Variants in VSTM4 observed in about 807,000 individuals in gnomAD.
VSTM4 encodes the protein V-set and transmembrane domain-containing protein 4.
In VSTM4, 20 loss-of-function variants were observed where a neutral mutation model predicts 36.4. The observed-to-expected ratio is 0.55, with a 90% CI of 0.39 to 0.80. The LOEUF is 0.80. Among genes scored for constraint, VSTM4 ranks in the 30% least tolerant of loss-of-function variants. The pLI, the probability that VSTM4 is intolerant of heterozygous loss-of-function variation, is 0.00. For missense variants in VSTM4, 392 were observed against 404.5 expected (o/e 0.97, Z 0.26); for synonymous variants, 182 against 173.9 (o/e 1.05, Z -0.37).
chr10:49,096,115 G>A (rs372308486), intron 2 of VSTM4, among the ~76,000 whole-genome samples: 1 of 152,286 alleles, frequency 6.6e-6, no homozygotes, highest in African/African-American at 2.4e-5. Context: ...TTAAGCAGAA[G>A]CCCTAAATGT....
chr10:49,075,102 T>C (rs1425530030), intron 4 of VSTM4, among the ~76,000 whole-genome samples: 1 of 152,186 alleles, frequency 6.6e-6, no homozygotes, highest in Non-Finnish European at 1.5e-5. Flanking sequence ...CAGGTGCAAA[T>C]GGGACCATCT....
chr10:49,069,723 G>A (rs965997784), intron 4 of VSTM4, among the ~76,000 whole-genome samples: 2 of 152,180 alleles, frequency 1.3e-5, no homozygotes, highest in African/African-American at 4.8e-5. Flanking sequence ...CAAGTGGGAA[G>A]CTGAGGAGAA....
intron 5 of VSTM4, among the ~76,000 whole-genome samples, chr10:49,055,184 A>C (rs1182006259): frequency 6.6e-6 from 1 of 152,220 alleles, no homozygotes; most frequent in Non-Finnish European, 1.5e-5. Context: ...TGTTGGCTCC[A>C]GTCCTCCCAA....
rs563847575 is a variant in VSTM4 at position 49,096,724 on chromosome 10, G to A, written c.458-10701C>T. 2.0e-5 allele frequency among the ~76,000 whole-genome samples: 3 copies of A among 149,994 alleles called. No individual in the cohort carries two copies. In the East Asian group the frequency reaches 5.9e-4, roughly 30 times the overall value. ...GGCTGGAGTACAATGACACGATCTCGGCTCACTGCAACTTCTGCCTCCCAG... is the reference window on the plus strand; with the variant it reads ...GGCTGGAGTACAATGACACGATCTCAGCTCACTGCAACTTCTGCCTCCCAG... On this transcript the variant is annotated intron_variant, in intron 2 of 7. Coordinates refer to ENST00000332853, the MANE Select transcript of VSTM4 (RefSeq NM_001031746.5).
At chr10:49,100,141 A>G (rs1844642273) in intron 2 of VSTM4, among the ~76,000 whole-genome samples, 1 of 152,212 alleles carries the variant, frequency 6.6e-6, no homozygotes, top group Non-Finnish European at 1.5e-5. Context: ...TGAAAAAGCC[A>G]CGGTTGCCTC....
At chr10:49,064,783 G>A in intron 4 of VSTM4, 47 bp from the exon 5 acceptor site, 7 of 1,582,428 alleles carry the variant, frequency 4.4e-6, no homozygotes, top group Non-Finnish European at 6.0e-6. Context: ...TGCTACTTCA[G>A]ATATATATGC....
At chr10:49,034,831 T>A (rs1475387004) in intron 7 of VSTM4, among the ~76,000 whole-genome samples, 1 of 152,208 alleles carries the variant, frequency 6.6e-6, no homozygotes, top group Non-Finnish European at 1.5e-5. Context: ...AGGTACTCTG[T>A]GCTCAAAACT....
chr10:49,097,520 G>A (rs1468257414), intron 2 of VSTM4, among the ~76,000 whole-genome samples: 1 of 152,152 alleles, frequency 6.6e-6, no homozygotes, highest in Non-Finnish European at 1.5e-5. Context: ...GTGCGTAGAG[G>A]GGCAATCAGG....
rs898976472 is a variant in VSTM4 at position 49,016,887 on chromosome 10, T to A, written c.*2763A>T. 6.6e-6 allele frequency: 1 copy of A among 152,368 alleles called. No homozygotes were observed. Among genetic ancestry groups the A allele is most frequent in the African/African-American group, 2.4e-5 (1 of 41,454 alleles). 9.4% of individuals were successfully genotyped at this position (152,368 alleles called of 1,614,324 possible). The stretch of plus-strand genomic sequence containing the variant: ...ATACCTCCCGGCTTCCTGTGCTGAC[T>A]CCATGCCAACCATGCCAAGGCCAAA... On this transcript the variant is annotated 3_prime_UTR_variant, in exon 8 of 8. Coordinates refer to ENST00000332853, the MANE Select transcript of VSTM4 (RefSeq NM_001031746.5).
intron 2 of VSTM4, among the ~76,000 whole-genome samples, chr10:49,101,972 CGT>C (rs5784789): frequency 0.3 from 42,902 of 144,212 alleles, 7,254 homozygotes; most frequent in African/African-American, 0.5. Context: ...TGTGTGTCTG[CGT>C]GTGTGTGTGT....
intron 4 of VSTM4, among the ~76,000 whole-genome samples, chr10:49,068,101 G>A (rs1441508854): frequency 1.3e-5 from 2 of 151,946 alleles, no homozygotes; most frequent in African/African-American, 4.8e-5. Context: ...ATCCGAGTTT[G>A]GTTGAATCCT....
At chr10:49,090,558 C>G (rs550361280) in intron 2 of VSTM4, among the ~76,000 whole-genome samples, 1 of 152,310 alleles carries the variant, frequency 6.6e-6, no homozygotes, top group East Asian at 1.9e-4. Context: ...AGACTTCCAT[C>G]CCTTCCCAGG....
intron 1 of VSTM4, among the ~76,000 whole-genome samples, chr10:49,113,334 G>A (rs1332594267): frequency 6.6e-6 from 1 of 152,204 alleles, no homozygotes; most frequent in South Asian, 2.1e-4. Context: ...CCCATGGACT[G>A]ATTCACTCAC....
intron 4 of VSTM4, among the ~76,000 whole-genome samples, chr10:49,068,249 C>A (rs868647307): frequency 3.9e-5 from 6 of 151,950 alleles, no homozygotes; most frequent in Non-Finnish European, 7.4e-5. Flanking sequence ...TGTGCCACAG[C>A]TGAAGCCAAG....
chr10:49,108,132 C>A, intron 1 of VSTM4, 137 bp from the exon 2 acceptor site: 1 of 1,255,274 alleles, frequency 8.0e-7, no homozygotes, highest in South Asian at 1.6e-5. Flanking sequence ...AGCAGGCGGC[C>A]CCTCACCTCT....
chr10:49,040,375 C>T (rs538324905), intron 7 of VSTM4, among the ~76,000 whole-genome samples: 3 of 150,686 alleles, frequency 2.0e-5, no homozygotes, highest in Non-Finnish European at 3.0e-5. Context: ...CTCCATTTCC[C>T]GGGTTCAAGC....
At chr10:49,070,252 C>CAAAAAAAAAAA (rs780515012) in intron 4 of VSTM4, among the ~76,000 whole-genome samples, 1 of 21,722 alleles carries the variant, frequency 4.6e-5, no homozygotes, top group African/African-American at 2.5e-4. Flanking sequence ...GACTCCGTCT[C>CAAAAAAAAAAA]AAAAAAAAAA....
intron 7 of VSTM4, among the ~76,000 whole-genome samples, chr10:49,044,658 C>G (rs1158644645): frequency 6.6e-6 from 1 of 152,130 alleles, no homozygotes; most frequent in Non-Finnish European, 1.5e-5. Flanking sequence ...TGCAGCTTGC[C>G]TTTTCATTAT....
intron 7 of VSTM4, among the ~76,000 whole-genome samples, chr10:49,025,541 G>A (rs895776502): frequency 2.0e-5 from 3 of 152,152 alleles, no homozygotes; most frequent in African/African-American, 7.2e-5. Flanking sequence ...GCCAGGCCTC[G>A]GCCTTGACCC....
Sources: gnomAD v4.1 joint callset for allele counts (sites outside exome capture counted in the v4.1 genomes callset) on GRCh38, gnomAD v4.1.1 for gene constraint, MANE v1.5 for transcripts, NCBI Gene and HGNC (gene_info 2026-07-23, HGNC 2026-07-21) for gene names.